The following PTPRT variants were observed in gnomAD, a reference collection of about 807,000 sequenced individuals.
PTPRT encodes receptor-type tyrosine-protein phosphatase T.
A neutral mutation model predicts 176.8 loss-of-function variants in PTPRT; 56 were observed. The ratio of observed to expected loss-of-function variants is 0.32; its 90% CI spans 0.26 to 0.40. The LOEUF is 0.40. Among genes scored for constraint, PTPRT ranks in the 10% least tolerant of loss-of-function variants. The pLI, the probability that PTPRT is intolerant of heterozygous loss-of-function variation, is 1.00. For missense variants in PTPRT, 1,540 were observed against 1,908.2 expected (o/e 0.81, Z 3.60); for synonymous variants, 783 against 739.0 (o/e 1.06, Z -0.96).
chr20:42,087,729 C>T (rs529969812), intron 27 of PTPRT, among the ~76,000 whole-genome samples: 114 of 151,028 alleles, frequency 7.5e-4, no homozygotes, highest in African/African-American at 2.5e-3. Context: ...AAAAATTAGC[C>T]GGGTATGGTG....
At chr20:42,481,080 C>G (rs1601102733) in intron 7 of PTPRT, among the ~76,000 whole-genome samples, 1 of 151,158 alleles carries the variant, frequency 6.6e-6, no homozygotes, top group Non-Finnish European at 1.5e-5. Context: ...TGCACCTTTG[C>G]AGGTTAGACA....
chr20:42,805,933 C>T (rs1328554682), intron 2 of PTPRT, among the ~76,000 whole-genome samples: 6 of 151,774 alleles, frequency 4.0e-5, no homozygotes, highest in Admixed American at 3.9e-4. Flanking sequence ...GTCAAATCCT[C>T]TTTTTGAATA....
At chr20:42,914,455 C>G (rs1978599262) in intron 1 of PTPRT, among the ~76,000 whole-genome samples, 1 of 152,144 alleles carries the variant, frequency 6.6e-6, no homozygotes, top group Non-Finnish European at 1.5e-5. Context: ...AAACCCAATT[C>G]AAAAACCAAC....
intron 7 of PTPRT, among the ~76,000 whole-genome samples, chr20:42,578,109 C>T (rs906781870): frequency 3.3e-5 from 5 of 150,722 alleles, no homozygotes; most frequent in South Asian, 2.1e-4. Context: ...ATTGTGTCAA[C>T]TCTCTTGTTT....
chr20:42,771,399 C>T, intron 5 of PTPRT, 36 bp downstream of exon 5: 1 of 1,551,106 alleles, frequency 6.4e-7, no homozygotes, highest in South Asian at 1.1e-5. Context: ...CTTTCTCATC[C>T]TAACGAGTCT....
chr20:42,177,668 T>G (rs1327334983), intron 16 of PTPRT, among the ~76,000 whole-genome samples: 4 of 152,200 alleles, frequency 2.6e-5, no homozygotes, highest in African/African-American at 9.6e-5. Flanking sequence ...CTCCATATTC[T>G]AGACATAAGG....
intron 1 of PTPRT, among the ~76,000 whole-genome samples, chr20:43,026,464 G>T (rs1985917840): frequency 6.6e-6 from 1 of 152,094 alleles, no homozygotes; most frequent in Non-Finnish European, 1.5e-5. Context: ...TGCGTAGTAG[G>T]TGTATGTATT....
chr20:42,790,791 A>G (rs2077363123), intron 3 of PTPRT, among the ~76,000 whole-genome samples: 1 of 152,046 alleles, frequency 6.6e-6, no homozygotes, highest in African/African-American at 2.4e-5. Flanking sequence ...CCCAGCAAAC[A>G]CCCCATTCCC....
intron 2 of PTPRT, among the ~76,000 whole-genome samples, chr20:42,871,113 A>C (rs1395527690): frequency 6.6e-6 from 1 of 151,540 alleles, no homozygotes. Context: ...ACCATGCCTG[A>C]CTAATTTTTG....
intron 9 of PTPRT, among the ~76,000 whole-genome samples, chr20:42,396,088 A>C (rs911771197): frequency 6.6e-6 from 1 of 152,140 alleles, no homozygotes; most frequent in African/African-American, 2.4e-5. Context: ...ATCCAACAGG[A>C]ATCCATCTGA....
intron 5 of PTPRT, 143 bp downstream of exon 5, chr20:42,771,292 G>T: frequency 1.4e-6 from 1 of 733,000 alleles, no homozygotes; most frequent in Non-Finnish European, 2.3e-6. Flanking sequence ...TTGTAAGCAA[G>T]GGTGGGCTCC....
At chr20:42,772,694 A>G (rs905078953) in intron 4 of PTPRT, among the ~76,000 whole-genome samples, 5 of 152,220 alleles carry the variant, frequency 3.3e-5, no homozygotes, top group Admixed American at 6.5e-5. Context: ...GATCACCCCC[A>G]GAATGGAAAC....
At chr20:42,222,629 G>A (rs950531332) in intron 15 of PTPRT, among the ~76,000 whole-genome samples, 1 of 152,226 alleles carries the variant, frequency 6.6e-6, no homozygotes, top group Non-Finnish European at 1.5e-5. Flanking sequence ...TGGAGAGAGA[G>A]CTTCCAGATA....
At chr20:43,054,870 G>T (rs1431351485) in intron 1 of PTPRT, among the ~76,000 whole-genome samples, 1 of 152,158 alleles carries the variant, frequency 6.6e-6, no homozygotes, top group African/African-American at 2.4e-5. Flanking sequence ...AACTCTCTAT[G>T]ATACTTGGTA....
At chr20:42,743,365 A>G (rs1416118467) in intron 6 of PTPRT, among the ~76,000 whole-genome samples, 2 of 152,224 alleles carry the variant, frequency 1.3e-5, no homozygotes, top group African/African-American at 4.8e-5. Flanking sequence ...GAGAAGGATC[A>G]TATGGGTTAG....
At chr20:42,444,204 C>T (rs997727731) in intron 9 of PTPRT, among the ~76,000 whole-genome samples, 5 of 152,168 alleles carry the variant, frequency 3.3e-5, no homozygotes, top group African/African-American at 1.2e-4. Context: ...AAGTCATTTC[C>T]ACCTCAGGGC....
At chr20:42,238,793 T>A (rs1393448473) in intron 14 of PTPRT, among the ~76,000 whole-genome samples, 1 of 152,110 alleles carries the variant, frequency 6.6e-6, no homozygotes, top group Non-Finnish European at 1.5e-5. Context: ...TCAAACAGCT[T>A]TCAGGAGTGG....
chr20:42,059,766 T>C, the PTPRT span, among the ~76,000 whole-genome samples: 1,057 of 152,306 alleles, frequency 6.9e-3, 13 homozygotes, highest in African/African-American at 0.024. Flanking sequence ...TTTCAAACTG[T>C]AACTATGAGA....
intron 8 of PTPRT, among the ~76,000 whole-genome samples, chr20:42,450,708 C>A (rs997706662): frequency 2.6e-5 from 4 of 152,114 alleles, no homozygotes; most frequent in African/African-American, 9.7e-5. Context: ...TTTCCCTTAT[C>A]CACCCTTCCT....
Sources: allele counts gnomAD v4.1 joint callset (sites outside exome capture counted in the v4.1 genomes callset), GRCh38; gene constraint gnomAD v4.1.1; transcripts MANE v1.5; gene names NCBI Gene and HGNC (gene_info 2026-07-23, HGNC 2026-07-21).